The following PXDN variants were observed in gnomAD, a reference collection of about 807,000 sequenced individuals.
PXDN encodes the protein peroxidasin, also known as peroxidasin homolog.
Under a neutral mutation model 140.3 loss-of-function variants are expected in PXDN, and 77 were observed. The observed-to-expected ratio is 0.55, with a 90% CI of 0.46 to 0.66. The LOEUF (loss-of-function observed/expected upper bound fraction) is 0.66, where lower values mean the gene tolerates loss of function less well. Ranked by LOEUF, PXDN falls within the 30% of genes least tolerant of loss-of-function variation. The pLI is 0.00. For synonymous variants in PXDN, 911 were observed against 857.4 expected, an observed-to-expected ratio of 1.06 and a Z score of -1.09; for missense variants, 1,838 against 2,039.5, an observed-to-expected ratio of 0.90 and a Z score of 1.90.
In PXDN at chr2:1,660,194, G is replaced by A. The variant is rs1236622994; in HGVS notation, c.1837+687C>T. Among the ~76,000 whole-genome samples the A allele has an allele frequency of 6.6e-6, 1 of 152,184 alleles. No homozygotes were observed. The highest frequency in any genetic ancestry group is 1.5e-5 in the Non-Finnish European group (1 of 68,034). ...CCCTGGTGGCCACAGGAGACATGGAGAAGGGTCAGGGACACATCATGGGCA... is the reference window on the plus strand; with the variant it reads ...CCCTGGTGGCCACAGGAGACATGGAAAAGGGTCAGGGACACATCATGGGCA... On this transcript the variant is annotated intron_variant, in intron 14 of 22. Coordinates refer to ENST00000252804, the MANE Select transcript of PXDN (RefSeq NM_012293.3). This position sits in a 1 kb window ranked among gnomAD's most constrained non-coding sequence, Gnocchi z 4.6.
At position 1,660,777 on chromosome 2, in the gene PXDN, A is replaced by G. The variant is rs1262185760; in HGVS notation, c.1837+104T>C. ...GAATCAAGGGTGCTTTGTCTTCTGA[A>G]TAATTCTGAACAGCCTAAGTCAACT... On this transcript the variant is annotated intron_variant, in intron 14 of 22. Transcript: ENST00000252804. This position sits in a 1 kb window ranked among gnomAD's most constrained non-coding sequence, Gnocchi z 4.6. 9.2e-6 allele frequency: 13 copies of G among 1,408,556 alleles called. No individual in the cohort carries two copies. In the Admixed American group the frequency reaches 1.1e-4, roughly 12 times the overall value. The allele number at this position is 1,408,556 out of a possible 1,614,324, so 87.3% of individuals were successfully genotyped here. A position where few individuals can be genotyped will look rare whatever the true frequency, so the allele number is the denominator to read the frequency against.
intron 10 of PXDN, 35 bp from the exon 11 acceptor site, chr2:1,665,109 A>G (rs373155360): frequency 7.4e-6 from 11 of 1,486,024 alleles, no homozygotes; most frequent in Middle Eastern, 1.7e-4. Flanking sequence ...CAGGACATGT[A>G]AAAAACAGCC....
intron 1 of PXDN, among the ~76,000 whole-genome samples, chr2:1,743,578 T>C (rs1190829214): frequency 8.6e-4 from 50 of 58,298 alleles, no homozygotes; most frequent in African/African-American, 3.0e-3. Context: ...CGCGGGGGGA[T>C]GGGGTGGGCA....
At chr2:1,709,458 G>A (rs1268654520) in intron 1 of PXDN, among the ~76,000 whole-genome samples, 1 of 142,982 alleles carries the variant, frequency 7.0e-6, no homozygotes, top group Non-Finnish European at 1.5e-5. Context: ...CAGCGGGGCT[G>A]GGGTGCAGCG....
intron 18 of PXDN, 139 bp from the exon 19 acceptor site, chr2:1,643,715 G>T: frequency 1.2e-6 from 1 of 814,430 alleles, no homozygotes; most frequent in Non-Finnish European, 2.0e-6. Flanking sequence ...CTTAAAAATG[G>T]ACTCACACAC....
At chr2:1,693,514 C>T (rs1684229219) in intron 1 of PXDN, among the ~76,000 whole-genome samples, 1 of 152,186 alleles carries the variant, frequency 6.6e-6, no homozygotes, top group African/African-American at 2.4e-5. Flanking sequence ...TGAGTAAACA[C>T]CTTAGAGTTT....
intron 1 of PXDN, among the ~76,000 whole-genome samples, chr2:1,723,324 G>A (rs181230447): frequency 6.6e-6 from 1 of 152,268 alleles, no homozygotes; most frequent in African/African-American, 2.4e-5. Context: ...TGGAGGGATG[G>A]ATGATGAATA....
At chr2:1,645,466 T>C (rs1469136430) in intron 17 of PXDN, among the ~76,000 whole-genome samples, 1 of 152,210 alleles carries the variant, frequency 6.6e-6, no homozygotes, top group African/African-American at 2.4e-5. Context: ...ATATATTCTA[T>C]AATTCTCACT....
chr2:1,704,774 T>C (rs1684550098), intron 1 of PXDN, among the ~76,000 whole-genome samples: 1 of 152,140 alleles, frequency 6.6e-6, no homozygotes, highest in African/African-American at 2.4e-5. Flanking sequence ...TGCAGTCAGA[T>C]ATGCATGTCT....
chr2:1,721,032 G>A (rs1265852277), intron 1 of PXDN, among the ~76,000 whole-genome samples: 1 of 152,144 alleles, frequency 6.6e-6, no homozygotes, highest in Non-Finnish European at 1.5e-5. Flanking sequence ...CAACTAACTG[G>A]ACGAGGTCCA....
chr2:1,726,184 T>C (rs1289511938), intron 1 of PXDN, among the ~76,000 whole-genome samples: 1 of 151,746 alleles, frequency 6.6e-6, no homozygotes, highest in African/African-American at 2.4e-5. Flanking sequence ...AACCCAAATG[T>C]CCAACAATGA....
intron 21 of PXDN, chr2:1,636,478 A>G (rs375445789): frequency 6.6e-6 from 1 of 152,186 alleles, no homozygotes; most frequent in African/African-American, 2.4e-5. Flanking sequence ...CTATGCACAC[A>G]TCATGCTGAA....
At chr2:1,697,941 T>C (rs1413485332) in intron 1 of PXDN, among the ~76,000 whole-genome samples, 1 of 152,198 alleles carries the variant, frequency 6.6e-6, no homozygotes, top group Non-Finnish European at 1.5e-5. Context: ...CTGGGAAACC[T>C]ATAAGTGGCG....
rs1685215664 is a variant in PXDN, at chr2:1,727,555, C to T, written c.200+16701G>A. 2.0e-5 allele frequency among the ~76,000 whole-genome samples: 3 copies of T among 152,210 alleles called. No homozygotes were observed. In the South Asian group the frequency reaches 6.2e-4, roughly 32 times the overall value. ...CCAGGACCCCAGCTCAAGGCTGGCA[C>T]ATGCCCTGCACCTGCTGCCAGCTCC... On this transcript the variant is annotated intron_variant, in intron 1 of 22. Transcript: ENST00000252804.
intron 1 of PXDN, among the ~76,000 whole-genome samples, chr2:1,724,494 G>C (rs1476920371): frequency 6.6e-6 from 1 of 152,154 alleles, no homozygotes; most frequent in Non-Finnish European, 1.5e-5. Flanking sequence ...CTATGCTGCA[G>C]TTTAAAGATC....
chr2:1,708,814 C>T (rs1013288381), intron 1 of PXDN, among the ~76,000 whole-genome samples: 3 of 152,318 alleles, frequency 2.0e-5, no homozygotes, highest in African/African-American at 7.2e-5. Context: ...AGACACAAAT[C>T]ACCAAGAGCA....
intron 1 of PXDN, among the ~76,000 whole-genome samples, chr2:1,701,386 G>A (rs984268877): frequency 6.6e-6 from 1 of 152,220 alleles, no homozygotes; most frequent in Non-Finnish European, 1.5e-5. Flanking sequence ...TATGTGACCT[G>A]AGCCACTCGT....
intron 14 of PXDN, among the ~76,000 whole-genome samples, chr2:1,657,599 C>G (rs984371236): frequency 6.6e-6 from 1 of 150,982 alleles, no homozygotes; most frequent in Non-Finnish European, 1.5e-5. Flanking sequence ...GAAAGCAGCT[C>G]CCTCCTAACA....
At chr2:1,711,008 C>T (rs1225812295) in intron 1 of PXDN, among the ~76,000 whole-genome samples, 4 of 70,982 alleles carry the variant, frequency 5.6e-5, no homozygotes, top group Non-Finnish European at 9.1e-5. Flanking sequence ...TCCACCAGCA[C>T]CCACTCTCCA....
Sources: gnomAD v4.1 joint callset for allele counts (sites outside exome capture counted in the v4.1 genomes callset) on GRCh38, gnomAD v4.1.1 for gene constraint, Gnocchi (gnomAD v3.1) non-coding constraint, MANE v1.5 for transcripts, NCBI Gene and HGNC (gene_info 2026-07-23, HGNC 2026-07-21) for gene names.